The following TRAF2 variants were observed in gnomAD, a reference collection of about 807,000 sequenced individuals.
TRAF2 encodes the protein TNF receptor associated factor 2, also known as TNF receptor-associated factor 2.
A neutral mutation model predicts 55.6 loss-of-function variants in TRAF2; 6 were observed. The ratio of observed to expected loss-of-function variants is 0.11; its 90% CI spans 0.06 to 0.21. The LOEUF is 0.21. Ranked by LOEUF, TRAF2 falls within the 10% of genes least tolerant of loss-of-function variation. The pLI is 1.00. For missense variants in TRAF2, 561 were observed against 684.5 expected, an observed-to-expected ratio of 0.82 and a Z score of 2.01; for synonymous variants, 329 against 276.3, an observed-to-expected ratio of 1.19 and a Z score of -1.89.
chr9:136,892,459 G>A (rs1033904630), intron 1 of TRAF2, among the ~76,000 whole-genome samples: 3 of 151,934 alleles, frequency 2.0e-5, no homozygotes, highest in Non-Finnish European at 2.9e-5. Flanking sequence ...GCGAGACTCC[G>A]TCTCAAAAAA....
At chr9:136,910,069 G>C (rs1049765786) in intron 6 of TRAF2, 75 bp downstream of exon 6, 7 of 1,465,130 alleles carry the variant, frequency 4.8e-6, no homozygotes, top group Non-Finnish European at 6.6e-6. Context: ...CGTGGGTGGG[G>C]GTGGGGCAGG....
chr9:136,920,099 A>G (rs2131329151), intron 7 of TRAF2, 135 bp from the exon 8 acceptor site: 3 of 1,134,468 alleles, frequency 2.6e-6, no homozygotes, highest in Non-Finnish European at 3.6e-6. Context: ...AGCCATGACC[A>G]GGCCACCCAG....
chr9:136,922,767 C>T (rs1280842249), intron 9 of TRAF2, among the ~76,000 whole-genome samples: 1 of 75,556 alleles, frequency 1.3e-5, no homozygotes, highest in Non-Finnish European at 2.5e-5. Context: ...TGGTGGAGGA[C>T]TAGGACGGGG....
At chr9:136,924,500 T>A (rs1850473164) in intron 10 of TRAF2, among the ~76,000 whole-genome samples, 1 of 151,860 alleles carries the variant, frequency 6.6e-6, no homozygotes, top group Admixed American at 6.6e-5. Context: ...AGGTTGAGGC[T>A]GCAGTGAGCC....
upstream of TRAF2, among the ~76,000 whole-genome samples, chr9:136,883,138 G>A (rs754332226): frequency 4.6e-5 from 7 of 152,134 alleles, no homozygotes; most frequent in Non-Finnish European, 7.4e-5. Context: ...CCAAAGTGCC[G>A]GGATTACAGG....
intron 4 of TRAF2, among the ~76,000 whole-genome samples, chr9:136,907,747 A>T (rs763086342): frequency 2.6e-5 from 4 of 152,126 alleles, no homozygotes; most frequent in Non-Finnish European, 4.4e-5. Context: ...CCGCTGGCGC[A>T]GAGCAGGGAC....
At chr9:136,898,236 C>G (rs185358125) in intron 1 of TRAF2, among the ~76,000 whole-genome samples, 8 of 152,346 alleles carry the variant, frequency 5.3e-5, no homozygotes, top group African/African-American at 1.9e-4. Context: ...TGAGTGCCAG[C>G]AGGCAGGCGT....
intron 1 of TRAF2, among the ~76,000 whole-genome samples, chr9:136,898,247 C>T (rs1032479882): frequency 4.6e-5 from 7 of 152,216 alleles, no homozygotes; most frequent in African/African-American, 1.4e-4. Flanking sequence ...AGGCAGGCGT[C>T]TCCTGCCCAG....
chr9:136,888,970 A>G (rs543101203), intron 1 of TRAF2, among the ~76,000 whole-genome samples: 4 of 151,904 alleles, frequency 2.6e-5, no homozygotes, highest in South Asian at 2.1e-4. Flanking sequence ...GGTTCACGCT[A>G]TTCTTCTGCC....
Position 136,890,045 on chromosome 9 carries a change from C to T in TRAF2, c.-29+3504C>T, listed in dbSNP as rs17243662. ...GGTCACCGCGTGTGTGAGTCCCCCC[C>T]GCACGCTCGTTCAGCCGGTCACCGC... On this transcript the variant is annotated intron_variant, in intron 1 of 10. Transcript: ENST00000247668. Among the ~76,000 whole-genome samples, 435 of 143,468 alleles carry T rather than the reference C, an allele frequency of 3.0e-3. 16 individuals are homozygous for T. Among genetic ancestry groups the T allele is most frequent in the African/African-American group, 0.011 (408 of 37,774 alleles). 94.1% of individuals were successfully genotyped at this position (143,468 alleles called of 152,430 possible).
chr9:136,891,031 C>T (rs537913856), intron 1 of TRAF2, among the ~76,000 whole-genome samples: 1 of 152,306 alleles, frequency 6.6e-6, no homozygotes, highest in South Asian at 2.1e-4. Context: ...GATCCTCCCA[C>T]CTCGGCCTCC....
intron 1 of TRAF2, among the ~76,000 whole-genome samples, chr9:136,888,924 G>A (rs1244101387): frequency 6.6e-6 from 1 of 151,796 alleles, no homozygotes; most frequent in Non-Finnish European, 1.5e-5. Flanking sequence ...GGAGTGCAGT[G>A]GCACGATCTC....
intron 1 of TRAF2, among the ~76,000 whole-genome samples, chr9:136,888,948 C>T (rs1418371132): frequency 1.3e-5 from 2 of 152,062 alleles, no homozygotes; most frequent in East Asian, 1.9e-4. Flanking sequence ...TCACTGCAAC[C>T]TCTGCCTCCT....
chr9:136,896,284 C>T (rs932393075), intron 1 of TRAF2, among the ~76,000 whole-genome samples: 1 of 152,208 alleles, frequency 6.6e-6, no homozygotes, highest in Non-Finnish European at 1.5e-5. Flanking sequence ...GCATGGCAGG[C>T]GAGCATCAGG....
chr9:136,884,385 C>T (rs1849409116), upstream of TRAF2, among the ~76,000 whole-genome samples: 1 of 151,920 alleles, frequency 6.6e-6, no homozygotes, highest in Admixed American at 6.5e-5. Context: ...CGGTGAAACC[C>T]CGTCTCTACT....
At position 136,899,625 on chromosome 9, in the gene TRAF2, C is replaced by A; in HGVS notation, c.220C>A (p.His74Asn). The A allele has an allele frequency of 6.2e-7, 1 of 1,613,322 alleles. No individual in the cohort carries two copies. Among genetic ancestry groups the A allele is most frequent in the South Asian group, 1.1e-5 (1 of 91,014 alleles). ...GCCTCAGAACTGTGCTGCCTGTGTT[C>A]ACGAGGGCATATATGAAGAAGGCAT... Reference protein sequence around the residue: ...SGPQNCAACVHEGIYEEGISI... With the variant: ...SGPQNCAACVNEGIYEEGISI... Residue 74 changes from histidine to asparagine, a missense_variant, in exon 3 of 11, where the codon CAC becomes AAC. Physicochemically the swap from His to Asn is moderately conservative, Grantham distance 68. Around this residue, in one of 2 missense-constraint regions of TRAF2, gnomAD observed 426 missense variants for 476.8 expected, o/e 0.89. Transcript: ENST00000247668.
intron 10 of TRAF2, 152 bp downstream of exon 10, chr9:136,924,152 C>A: frequency 1.0e-6 from 1 of 968,378 alleles, no homozygotes; most frequent in Non-Finnish European, 1.5e-6. Flanking sequence ...GATGCTGTGT[C>A]ACGCGGTGGA....
In TRAF2 at chr9:136,920,431, G is replaced by A. The variant is rs763272701; in HGVS notation, c.876G>A (p.Glu292=). 1 of 1,614,120 alleles carries A rather than the reference G, an allele frequency of 6.2e-7. No individual in the cohort carries two copies. The highest frequency in any genetic ancestry group is 8.5e-7 in the Non-Finnish European group (1 of 1,180,036). ...FENIVCVLNR[E]VERVAMTAEA... ...ACATTGTCTGCGTCCTGAACCGGGA[G>A]GTGGAGAGGGTGGCCATGACTGCCG... The change falls in exon 8 of 11, where the codon GAG becomes GAA. Residue 292 remains glutamate (E), a synonymous_variant. Transcript: ENST00000247668.
At chr9:136,881,990 G>C (rs952071696), upstream of TRAF2, 1 of 985,450 alleles carries the variant, frequency 1.0e-6, no homozygotes, top group African/African-American at 1.7e-5. Flanking sequence ...GTCTGAAAAA[G>C]AGGCAAGCTC....
Sources: gnomAD v4.1 joint callset for allele counts (sites outside exome capture counted in the v4.1 genomes callset) on GRCh38, gnomAD v4.1.1 for gene constraint, gnomAD v4.1.1 regional missense constraint, MANE v1.5 for transcripts, NCBI Gene and HGNC (gene_info 2026-07-23, HGNC 2026-07-21) for gene names.